UGGT2: variants seen among roughly 807,000 people sequenced by gnomAD.
UGGT2 encodes the protein UDP-glucose glycoprotein glucosyltransferase 2, also known as UDP-glucose:glycoprotein glucosyltransferase 2.
Under a neutral mutation model 192.1 loss-of-function variants are expected in UGGT2, and 180 were observed. The ratio of observed to expected loss-of-function variants is 0.94; its 90% CI spans 0.83 to 1.06. UGGT2 has a LOEUF of 1.06. UGGT2 is among the 50% of genes least tolerant of loss of function. The pLI is 0.00. For synonymous variants in UGGT2, 580 were observed against 591.0 expected (o/e 0.98, Z 0.27); for missense variants, 1,849 against 1,795.7 (o/e 1.03, Z -0.54).
At chr13:95,928,148 C>T (rs973911425) in intron 17 of UGGT2, among the ~76,000 whole-genome samples, 26 of 152,356 alleles carry the variant, frequency 1.7e-4, no homozygotes, top group Non-Finnish European at 3.4e-4. Context: ...CCGCCATCGT[C>T]ATCATGGCCC....
intron 29 of UGGT2, among the ~76,000 whole-genome samples, chr13:95,873,512 C>T (rs1891402218): frequency 6.6e-6 from 1 of 152,154 alleles, no homozygotes. Flanking sequence ...AACTGGGCTT[C>T]TGTTGTCCTG....
intron 5 of UGGT2, among the ~76,000 whole-genome samples, chr13:96,010,290 G>T (rs916999171): frequency 6.6e-6 from 1 of 152,128 alleles, no homozygotes; most frequent in East Asian, 1.9e-4. Context: ...TATACACCAC[G>T]AAATACTACA....
At chr13:95,967,158 T>G (rs975078690) in intron 12 of UGGT2, among the ~76,000 whole-genome samples, 1 of 147,416 alleles carries the variant, frequency 6.8e-6, no homozygotes, top group Non-Finnish European at 1.5e-5. Flanking sequence ...GGCATAACCT[T>G]TTTTTTTTTT....
Position 95,895,186 on chromosome 13 carries a change from G to C in UGGT2, c.2753C>G (p.Ala918Gly). The change falls in exon 23 of 39, where the codon GCA becomes GGA. Residue 918 changes from alanine to glycine, a missense_variant. By Grantham distance (60) the Ala-to-Gly change is moderately conservative. Transcript: ENST00000376747. The stretch of plus-strand genomic sequence containing the variant: ...TTAGAACTTATATACTCACTTATTT[G>C]CGTTGATTCCCATATTTTCAACAAT... ...KGIVENMGIN[A>G]NNMSDFIMKV... 6.3e-7 allele frequency: 1 copy of C among 1,580,158 alleles called. No homozygotes were observed. The highest frequency in any genetic ancestry group is 8.5e-7 in the Non-Finnish European group (1 of 1,171,048).
At chr13:95,897,395 T>C (rs1396905094) in intron 22 of UGGT2, among the ~76,000 whole-genome samples, 1 of 152,178 alleles carries the variant, frequency 6.6e-6, no homozygotes, top group Non-Finnish European at 1.5e-5. Context: ...ATAAATATTA[T>C]TATAACAATG....
intron 19 of UGGT2, 101 bp from the exon 20 acceptor site, chr13:95,925,875 A>G: frequency 1.4e-6 from 1 of 717,232 alleles, no homozygotes; most frequent in Non-Finnish European, 2.1e-6. Flanking sequence ...AAATTAAAAT[A>G]ATATTTCTGA....
intron 15 of UGGT2, among the ~76,000 whole-genome samples, chr13:95,946,591 G>A (rs761467995): frequency 2.6e-5 from 4 of 151,824 alleles, no homozygotes; most frequent in South Asian, 2.1e-4. Flanking sequence ...TGCTGGTCTC[G>A]AGCTGCTGGT....
At chr13:95,851,343 G>A (rs1324237598) in intron 36 of UGGT2, among the ~76,000 whole-genome samples, 1 of 152,184 alleles carries the variant, frequency 6.6e-6, no homozygotes, top group Non-Finnish European at 1.5e-5. Context: ...AAGAGACAGA[G>A]ATAAGATTTG....
chr13:96,032,077 C>T, intron 1 of UGGT2, 106 bp from the exon 2 acceptor site: 1 of 686,034 alleles, frequency 1.5e-6, no homozygotes, highest in Non-Finnish European at 2.3e-6. Context: ...AAAACAAAAA[C>T]CCCTAAAAAT....
intron 1 of UGGT2, among the ~76,000 whole-genome samples, chr13:96,035,670 G>T (rs975540730): frequency 6.7e-6 from 1 of 149,104 alleles, no homozygotes; most frequent in Admixed American, 6.7e-5. Context: ...TCTGACAAAG[G>T]TCTAACATGC....
At position 95,815,097 on chromosome 13, in the gene UGGT2, GAAGACCCA is replaced by G. The variant is rs558654226; in HGVS notation, c.4529-13293_4529-13286del. Among the ~76,000 whole-genome samples, 59 of 152,292 alleles carry G rather than the reference GAAGACCCA, an allele frequency of 3.9e-4. 1 individual carries two copies. Among genetic ancestry groups the G allele is most frequent in the African/African-American group, 1.4e-3 (57 of 41,586 alleles). On this transcript the variant is annotated intron_variant, in intron 38 of 38. Coordinates refer to ENST00000376747, the MANE Select transcript of UGGT2 (RefSeq NM_020121.4). ...TTACAGCCTGATAAAGGACATCTAT[GAAGACCCA>G]AAGCTAACATCATCCATAATGGTCT...
chr13:95,899,370 G>T (rs1265756501), intron 22 of UGGT2, among the ~76,000 whole-genome samples: 1 of 152,168 alleles, frequency 6.6e-6, no homozygotes, highest in African/African-American at 2.4e-5. Context: ...TTAGCCCCAT[G>T]AAAACGTAGT....
In UGGT2 at chr13:96,031,839, G is replaced by A; in HGVS notation, c.241+50C>T. 4 of 1,339,592 alleles carry A rather than the reference G, an allele frequency of 3.0e-6. No homozygotes were observed. The East Asian group carries it at 7.1e-5, about 24-fold the overall frequency. The allele number at this position is 1,339,592 out of a possible 1,614,324, so 83.0% of individuals were successfully genotyped here. ...ATTAAAAAATAATAAACATTACAAT[G>A]TGTGTACATAAATACAAATCTTACA... On this transcript the variant is annotated intron_variant, in intron 2 of 38. Coordinates refer to ENST00000376747, the MANE Select transcript of UGGT2 (RefSeq NM_020121.4).
intron 36 of UGGT2, among the ~76,000 whole-genome samples, chr13:95,847,518 C>T (rs1489950442): frequency 1.3e-5 from 2 of 152,204 alleles, no homozygotes; most frequent in African/African-American, 4.8e-5. Flanking sequence ...CATAGTTTTG[C>T]TTTTTTCCAG....
chr13:95,861,045 T>A (rs931222427), intron 31 of UGGT2, among the ~76,000 whole-genome samples, 162 bp from the exon 32 acceptor site: 3 of 152,124 alleles, frequency 2.0e-5, no homozygotes, highest in Admixed American at 2.0e-4. Flanking sequence ...TTTGACAATA[T>A]CATTTGAAGC....
At position 95,900,871 on chromosome 13, in the gene UGGT2, T is replaced by C; in HGVS notation, c.2570A>G (p.Gln857Arg). 1 of 1,611,684 alleles carries C rather than the reference T, an allele frequency of 6.2e-7. No homozygotes were observed. Residue 857 changes from glutamine to arginine, a missense_variant, in exon 22 of 39, where the codon CAG (glutamine) becomes CGG (arginine). Gln to Arg is a conservative substitution (Grantham distance 43, BLOSUM62 1). Coordinates refer to ENST00000376747, the MANE Select transcript of UGGT2 (RefSeq NM_020121.4). ...TTTAAGTACATCTTGACAGAACAAC[T>C]GGTGAGTTCGAAAAATATTCACTCC... ...TVGVNIFRTH[Q>R]LFCQDVLKLR...
Position 95,900,824 on chromosome 13 carries a change from T to C in UGGT2, c.2617A>G (p.Ile873Val), listed in dbSNP as rs1193543719. 4 of 1,609,172 alleles carry C rather than the reference T, an allele frequency of 2.5e-6. No homozygotes were observed. Among genetic ancestry groups the C allele is most frequent in the Non-Finnish European group, 3.4e-6 (4 of 1,178,252 alleles). Residue 873 changes from isoleucine to valine, a missense_variant, in exon 22 of 39, where the codon ATT becomes GTT. Coordinates refer to ENST00000376747, the MANE Select transcript of UGGT2 (RefSeq NM_020121.4). ...VLKLRPGEMG[I>V]VSNGRFLGPL... ...CTACTTACTCTCCCATTGCTGACAATACCCATTTCTCCAGGACGTAATTTA... is the reference window on the plus strand; with the variant it reads ...CTACTTACTCTCCCATTGCTGACAACACCCATTTCTCCAGGACGTAATTTA...
chr13:95,948,019 G>GA lies in UGGT2; in HGVS notation c.1517dup (p.Tyr507LeufsTer8). 1 of 1,612,966 alleles carries GA rather than the reference G, an allele frequency of 6.2e-7. No individual in the cohort carries two copies. Among genetic ancestry groups the GA allele is most frequent in the Non-Finnish European group, 8.5e-7 (1 of 1,179,478 alleles). On this transcript the variant is annotated frameshift_variant, in exon 14 of 39. Transcript: ENST00000376747. LOFTEE classifies it high-confidence loss of function. ...ACCTAAGAGGAACTTCGTGAGAATAGAAAACATCAGCAAGTTTTATAAAAT... is the reference window on the plus strand; with the variant it reads ...ACCTAAGAGGAACTTCGTGAGAATAGAAAAACATCAGCAAGTTTTATAAAAT...
intron 4 of UGGT2, among the ~76,000 whole-genome samples, chr13:96,014,335 G>C (rs1168416157): frequency 6.6e-6 from 1 of 152,128 alleles, no homozygotes; most frequent in Admixed American, 6.5e-5. Flanking sequence ...AAGAAAAAAG[G>C]TATGAGTAAC....
Sources: allele counts gnomAD v4.1 joint callset (sites outside exome capture counted in the v4.1 genomes callset), GRCh38; gene constraint gnomAD v4.1.1; transcripts MANE v1.5; gene names NCBI Gene and HGNC (gene_info 2026-07-23, HGNC 2026-07-21).